Variants in AOAH observed in about 807,000 individuals in gnomAD.
The protein encoded by AOAH is acyloxyacyl hydrolase (neutrophil).
A neutral mutation model predicts 92.2 loss-of-function variants in AOAH; 64 were observed. That is an observed-to-expected ratio of 0.69 (90% confidence interval 0.57 to 0.86). AOAH has a LOEUF of 0.86. Among genes scored for constraint, AOAH ranks in the 40% least tolerant of loss-of-function variants. The pLI, the probability that AOAH is intolerant of heterozygous loss-of-function variation, is 0.00. For missense variants in AOAH, 656 were observed against 694.6 expected (o/e 0.94, Z 0.62); for synonymous variants, 263 against 254.5 (o/e 1.03, Z -0.32).
chr7:36,545,334 C>T (rs771477788), intron 15 of AOAH, among the ~76,000 whole-genome samples: 1 of 152,222 alleles, frequency 6.6e-6, no homozygotes, highest in Non-Finnish European at 1.5e-5. Context: ...CCCTTTGCTA[C>T]CCATGTCTCT....
intron 1 of AOAH, among the ~76,000 whole-genome samples, chr7:36,710,036 G>C (rs1282491307): frequency 2.6e-5 from 4 of 151,930 alleles, no homozygotes; most frequent in Non-Finnish European, 5.9e-5. Context: ...GGCTCTTTTT[G>C]GTCTTTTAAA....
chr7:36,592,714 A>G (rs1432035445), intron 12 of AOAH, among the ~76,000 whole-genome samples: 1 of 152,228 alleles, frequency 6.6e-6, no homozygotes, highest in Non-Finnish European at 1.5e-5. Context: ...GCAGAGAACA[A>G]TACCCACTAC....
At chr7:36,546,040 T>C (rs1245960494) in intron 15 of AOAH, among the ~76,000 whole-genome samples, 1 of 152,230 alleles carries the variant, frequency 6.6e-6, no homozygotes, top group Non-Finnish European at 1.5e-5. Flanking sequence ...CTAAATCAAA[T>C]TGAGCAGGGT....
At chr7:36,656,657 C>T (rs1285463588) in intron 4 of AOAH, among the ~76,000 whole-genome samples, 1 of 151,766 alleles carries the variant, frequency 6.6e-6, no homozygotes, top group African/African-American at 2.4e-5. Context: ...CACCTTGTGA[C>T]GTTTATGTAC....
chr7:36,615,809 A>G (rs1018347081), intron 11 of AOAH, among the ~76,000 whole-genome samples: 16 of 152,180 alleles, frequency 1.1e-4, no homozygotes, highest in Admixed American at 1.3e-4. Context: ...TATAGAGTCA[A>G]TAAATGTTGG....
At chr7:36,662,718 C>T (rs927561673) in intron 3 of AOAH, among the ~76,000 whole-genome samples, 1 of 152,144 alleles carries the variant, frequency 6.6e-6, no homozygotes, top group Non-Finnish European at 1.5e-5. Context: ...TTCTCTTTTT[C>T]CTCCCTAATA....
At chr7:36,644,316 ATGTT>A (rs1794096586) in intron 4 of AOAH, among the ~76,000 whole-genome samples, 4 of 152,060 alleles carry the variant, frequency 2.6e-5, no homozygotes, top group Admixed American at 2.0e-4. Context: ...TGGGAGATAG[ATGTT>A]AAACGGTGTG....
chr7:36,716,454 C>A (rs1466902597), intron 1 of AOAH, among the ~76,000 whole-genome samples: 2 of 149,354 alleles, frequency 1.3e-5, no homozygotes, highest in Admixed American at 1.3e-4. Flanking sequence ...ACCATTTGAC[C>A]CAGCCATCCC....
At chr7:36,634,461 C>T (rs1011939122) in intron 5 of AOAH, among the ~76,000 whole-genome samples, 8 of 152,176 alleles carry the variant, frequency 5.3e-5, no homozygotes, top group African/African-American at 7.2e-5. Flanking sequence ...CAATCAATCA[C>T]GACCCTCTCA....
At chr7:36,692,082 G>A (rs965555025) in intron 1 of AOAH, among the ~76,000 whole-genome samples, 9 of 152,176 alleles carry the variant, frequency 5.9e-5, no homozygotes, top group Admixed American at 3.9e-4. Context: ...AATATCTTGG[G>A]CTCATAAATG....
At chr7:36,694,226 G>A (rs139906116) in intron 1 of AOAH, among the ~76,000 whole-genome samples, 2,268 of 152,300 alleles carry the variant, frequency 0.015, 62 homozygotes, top group African/African-American at 0.052. Flanking sequence ...GCCAGGTGTG[G>A]TGGCTCACGA....
At chr7:36,716,623 C>CTTTCCATGGCTG (rs368553404) in intron 1 of AOAH, among the ~76,000 whole-genome samples, 1 of 149,084 alleles carries the variant, frequency 6.7e-6, no homozygotes, top group Non-Finnish European at 1.5e-5. Flanking sequence ...CACATACACA[C>CTTTCCATGGCTG]CATGGAATAC....
At chr7:36,594,571 A>G in intron 11 of AOAH, 141 bp from the exon 12 acceptor site, 2 of 744,424 alleles carry the variant, frequency 2.7e-6, no homozygotes, top group East Asian at 2.7e-5. Context: ...TTTGGTATTC[A>G]AGGCAGATGT....
intron 1 of AOAH, among the ~76,000 whole-genome samples, chr7:36,689,654 G>A (rs528067044): frequency 1.3e-5 from 2 of 152,188 alleles, no homozygotes; most frequent in Non-Finnish European, 2.9e-5. Flanking sequence ...TGATTTTGGA[G>A]AGACCATAAC....
chr7:36,529,154 G>A (rs1407445596), intron 19 of AOAH, among the ~76,000 whole-genome samples: 8 of 152,046 alleles, frequency 5.3e-5, no homozygotes, highest in Non-Finnish European at 1.2e-4. Context: ...GGCTGGAAAG[G>A]GAGTTTAAAA....
intron 15 of AOAH, among the ~76,000 whole-genome samples, chr7:36,547,869 T>G (rs1340592066): frequency 6.6e-6 from 1 of 152,208 alleles, no homozygotes; most frequent in African/African-American, 2.4e-5. Flanking sequence ...GGATTGCCCA[T>G]GAGTTATCCG....
chr7:36,707,399 G>A (rs1162348184), intron 1 of AOAH, among the ~76,000 whole-genome samples: 1 of 151,940 alleles, frequency 6.6e-6, no homozygotes, highest in African/African-American at 2.4e-5. Context: ...ACTGAACACA[G>A]AGCCACACTA....
chr7:36,653,965 A>C (rs1794727678), intron 4 of AOAH, among the ~76,000 whole-genome samples: 1 of 152,162 alleles, frequency 6.6e-6, no homozygotes, highest in Non-Finnish European at 1.5e-5. Context: ...TCTGATCCAA[A>C]AAATAGAGCT....
In AOAH at chr7:36,705,349, A is replaced by T. The variant is rs1584159192; in HGVS notation, c.128-18555T>A. ...GCATTCCAATACATCAATAATAGACAAACAGCCAAATCATGAGCAAACTTC... is the reference window on the plus strand; with the variant it reads ...GCATTCCAATACATCAATAATAGACTAACAGCCAAATCATGAGCAAACTTC... On this transcript the variant is annotated intron_variant, in intron 1 of 20. Transcript: ENST00000617537. Among the ~76,000 whole-genome samples the T allele has an allele frequency of 3.3e-5, 5 of 152,308 alleles. No homozygotes were observed. In the South Asian group the frequency reaches 1.0e-3, roughly 32 times the overall value.
Sources: gnomAD v4.1 joint callset for allele counts (sites outside exome capture counted in the v4.1 genomes callset) on GRCh38, gnomAD v4.1.1 for gene constraint, MANE v1.5 for transcripts, NCBI Gene and HGNC (gene_info 2026-07-23, HGNC 2026-07-21) for gene names.